The following PEG3 variants were observed in gnomAD, a reference collection of about 807,000 sequenced individuals.
The protein encoded by PEG3 is paternally expressed 3, also known as paternally-expressed gene 3 protein.
PEG3 carries 23 observed loss-of-function variants against 35.5 expected under a neutral mutation model. The observed-to-expected ratio is 0.65, with a 90% confidence interval of 0.47 to 0.92. The LOEUF (loss-of-function observed/expected upper bound fraction) is 0.92. Among genes scored for constraint, PEG3 ranks in the 40% least tolerant of loss-of-function variants. PEG3 has a pLI of 0.00. For synonymous variants in PEG3, 707 were observed against 697.0 expected, an observed-to-expected ratio of 1.01 and a Z score of -0.23; for missense variants, 1,960 against 1,985.3, an observed-to-expected ratio of 0.99 and a Z score of 0.24.
Position 56,823,692 on chromosome 19 carries a change from C to G in PEG3, c.395-13G>C. On this transcript the variant is annotated splice_polypyrimidine_tract_variant and intron_variant, in intron 4 of 9. Transcript: ENST00000326441. ...CTGTTGTTGTCGTCTAAGAGGACAC[C>G]GGTCGCCAAGTTACTATCTCTGGCC... The G allele has an allele frequency of 6.2e-7, 1 of 1,614,124 alleles. No homozygotes were observed. Among genetic ancestry groups the G allele is most frequent in the Non-Finnish European group, 8.5e-7 (1 of 1,179,996 alleles).
At chr19:56,825,668 T>C (rs1381899184) in intron 3 of PEG3, among the ~76,000 whole-genome samples, 1 of 152,154 alleles carries the variant, frequency 6.6e-6, no homozygotes, top group Non-Finnish European at 1.5e-5. Flanking sequence ...GCACATCTGG[T>C]GCAACTAAGT....
rs776427757 is a variant in PEG3 at position 56,822,814 on chromosome 19, C to T, written c.504G>A (p.Arg168=). The T allele has an allele frequency of 1.6e-5, 26 of 1,613,904 alleles. No individual in the cohort carries two copies. The highest frequency in any genetic ancestry group is 3.3e-5 in the Admixed American group (2 of 59,990). The change falls in exon 6 of 10, where the codon AGG becomes AGA. Residue 168 remains arginine, a synonymous_variant. Transcript: ENST00000326441. ...GTGGCTCCATGTCTCTGCTTCTGCC[C>T]CTCCGGTCCCAGTCCCGGTCACCTA... The part of the protein sequence containing the change: ...HSFSDRDWDR[R]GRSRDMEPRD...
intron 2 of PEG3, among the ~76,000 whole-genome samples, chr19:56,831,916 T>C (rs955277924): frequency 6.6e-6 from 1 of 152,164 alleles, no homozygotes; most frequent in Non-Finnish European, 1.5e-5. Context: ...TATAATGCAG[T>C]TTTCAGAAAG....
chr19:56,824,680 A>G lies in PEG3; in HGVS notation c.-25T>C. 6.3e-7 allele frequency: 1 copy of G among 1,580,628 alleles called. No homozygotes were observed. The highest frequency in any genetic ancestry group is 1.2e-5 in the South Asian group (1 of 86,854). ...TTTCTCTAAGTAAAATTTTCACTGG[A>G]GGAACCAAACATGAGTCAACAGGAA... is the stretch of plus-strand genomic sequence containing the variant. On this transcript the variant is annotated 5_prime_UTR_variant, in exon 4 of 10. Coordinates refer to ENST00000326441, the MANE Select transcript of PEG3 (RefSeq NM_006210.3).
rs1200136069 is a variant in PEG3 at position 56,810,740 on chromosome 19, T to TA, written c.*2934dup. 2.0e-6 allele frequency: 2 copies of TA among 984,324 alleles called. No individual in the cohort carries two copies. The highest frequency in any genetic ancestry group is 3.5e-5 in the African/African-American group (2 of 57,220). The allele number at this position is 984,324 out of a possible 1,614,324, so 61.0% of individuals were successfully genotyped here. A position where few individuals can be genotyped will look rare whatever the true frequency, so the allele number is the denominator to read the frequency against. ...TTTATGCACACATATTTAACACTGT[T>TA]ATCACAAGCGTGTGCACTGAAACAA... is the stretch of plus-strand genomic sequence containing the variant. On this transcript the variant is annotated 3_prime_UTR_variant, in exon 10 of 10. Transcript: ENST00000326441.
intron 8 of PEG3, among the ~76,000 whole-genome samples, 181 bp from the exon 9 acceptor site, chr19:56,818,016 T>C (rs2060138240): frequency 6.6e-6 from 1 of 152,254 alleles, no homozygotes; most frequent in Non-Finnish European, 1.5e-5. Context: ...TAATCCATTC[T>C]AATCTACATG....
intron 2 of PEG3, among the ~76,000 whole-genome samples, chr19:56,828,840 G>A (rs1290502369): frequency 1.3e-5 from 2 of 151,900 alleles, no homozygotes; most frequent in Non-Finnish European, 2.9e-5. Context: ...AACCTTTTTT[G>A]ACCTGTCGAA....
chr19:56,829,341 C>G (rs1324055033), intron 2 of PEG3, among the ~76,000 whole-genome samples: 1 of 115,788 alleles, frequency 8.6e-6, no homozygotes. Flanking sequence ...GAGACTCCAT[C>G]TCAAAAAAAA....
intron 2 of PEG3, 31 bp from the exon 3 acceptor site, chr19:56,826,494 G>C (rs75190547): frequency 6.6e-6 from 1 of 152,208 alleles, no homozygotes; most frequent in Non-Finnish European, 1.5e-5. Context: ...GAAATACACA[G>C]ACTAAGAATA....
At chr19:56,826,782 G>T (rs1601127627) in intron 2 of PEG3, among the ~76,000 whole-genome samples, 1 of 152,174 alleles carries the variant, frequency 6.6e-6, no homozygotes, top group Non-Finnish European at 1.5e-5. Context: ...ATTATTCTAT[G>T]CAGTTCTACT....
intron 9 of PEG3, 34 bp from the exon 10 acceptor site, chr19:56,817,613 G>T (rs776891743): frequency 1.9e-6 from 3 of 1,555,340 alleles, no homozygotes; most frequent in Non-Finnish European, 1.8e-6. Context: ...ATACTCCCTA[G>T]TCCCCATAAG....
intron 5 of PEG3, 100 bp from the exon 6 acceptor site, chr19:56,822,936 T>C (rs766017250): frequency 3.4e-6 from 5 of 1,476,026 alleles, no homozygotes; most frequent in Non-Finnish European, 4.6e-6. Context: ...TGCTACCCTC[T>C]TCCCACAAGG....
Position 56,821,711 on chromosome 19 carries a change from T to G in PEG3, c.609A>C (p.Thr203=), listed in dbSNP as rs771388006. ...RDLSLPVVAK[T]SFEMDREDDR... Reference sequence around the variant, plus strand: ...CGTCCTCTCTGTCCATTTCAAAGCTTGTTTTCGCCACCACAGGAAGGGAAA... The same window carrying G: ...CGTCCTCTCTGTCCATTTCAAAGCTGGTTTTCGCCACCACAGGAAGGGAAA... Residue 203 remains threonine (T), a synonymous_variant, in exon 7 of 10, where the codon ACA becomes ACC. Coordinates refer to ENST00000326441, the MANE Select transcript of PEG3 (RefSeq NM_006210.3). 2.7e-5 allele frequency: 43 copies of G among 1,613,974 alleles called. No individual in the cohort carries two copies. Among genetic ancestry groups the G allele is most frequent in the Non-Finnish European group, 3.6e-5 (43 of 1,180,010 alleles).
rs2060851203 is a variant in PEG3, at chr19:56,824,692, T to C, written c.-37A>G. 1.3e-6 allele frequency: 2 copies of C among 1,568,290 alleles called. No homozygotes were observed. Among genetic ancestry groups the C allele is most frequent in the South Asian group, 1.2e-5 (1 of 84,740 alleles). On this transcript the variant is annotated 5_prime_UTR_variant, in exon 4 of 10. The change abolishes an upstream ATG in the 5' untranslated region. Coordinates refer to ENST00000326441, the MANE Select transcript of PEG3 (RefSeq NM_006210.3). ...AAATTTTCACTGGAGGAACCAAACA[T>C]GAGTCAACAGGAAAGACGCGGCAGC...
chr19:56,836,592 G>A (rs1223518882), intron 1 of PEG3, among the ~76,000 whole-genome samples: 1 of 152,182 alleles, frequency 6.6e-6, no homozygotes, highest in African/African-American at 2.4e-5. Context: ...GGTCCCTGGG[G>A]GAAGGACCTT....
At position 56,811,907 on chromosome 19, in the gene PEG3, A is replaced by G. The variant is rs1558355; in HGVS notation, c.*1768T>C. ...CCTCTCCCCTCCTAGATCTGGTGATATATTAGGACTCCCTTCTTTGACTCA... is the reference window on the plus strand; with the variant it reads ...CCTCTCCCCTCCTAGATCTGGTGATGTATTAGGACTCCCTTCTTTGACTCA... On this transcript the variant is annotated 3_prime_UTR_variant, in exon 10 of 10. Coordinates refer to ENST00000326441, the MANE Select transcript of PEG3 (RefSeq NM_006210.3). 521,416 of 984,228 alleles carry G rather than the reference A, an allele frequency of 0.53. 139,285 individuals carry two copies. Among genetic ancestry groups the G allele is most frequent in the South Asian group, 0.62 (13,236 of 21,272 alleles). The allele number at this position is 984,228 out of a possible 1,614,324, so 61.0% of individuals were successfully genotyped here. A position where few individuals can be genotyped will look rare whatever the true frequency, so the allele number is the denominator to read the frequency against.
At position 56,823,623 on chromosome 19, in the gene PEG3, A is replaced by C; in HGVS notation, c.451T>G (p.Ser151Ala). Residue 151 changes from serine (S) to alanine (A), a missense_variant, in exon 5 of 10, where the codon TCC becomes GCC. Coordinates refer to ENST00000326441, the MANE Select transcript of PEG3 (RefSeq NM_006210.3). The stretch of plus-strand genomic sequence containing the variant: ...GAATGGACTGAGTGAGGTGGTGAGG[A>C]CTCTCTTCTGTTCCGGGTCATGTCG... ...DDDMTRNRRE[S>A]SPPHSVHSFS... 6.2e-7 allele frequency: 1 copy of C among 1,613,550 alleles called. No individual in the cohort carries two copies. Among genetic ancestry groups the C allele is most frequent in the Non-Finnish European group, 8.5e-7 (1 of 1,179,898 alleles).
At chr19:56,823,109 C>T (rs983661439) in intron 5 of PEG3, among the ~76,000 whole-genome samples, 1 of 152,210 alleles carries the variant, frequency 6.6e-6, no homozygotes, top group Admixed American at 6.5e-5. Flanking sequence ...AGACTCTTTG[C>T]TGGCTTCCCA....
chr19:56,822,858 G>A, intron 5 of PEG3, 22 bp from the exon 6 acceptor site: 1 of 1,609,018 alleles, frequency 6.2e-7, no homozygotes, highest in East Asian at 2.2e-5. Context: ...AGACATTCCA[G>A]TGGTTAACAA....
Sources: gnomAD v4.1 joint callset for allele counts (sites outside exome capture counted in the v4.1 genomes callset) on GRCh38, gnomAD v4.1.1 for gene constraint, MANE v1.5 for transcripts, NCBI Gene and HGNC (gene_info 2026-07-23, HGNC 2026-07-21) for gene names.